The following MYLK variants were observed in gnomAD, a reference collection of about 807,000 sequenced individuals.
The protein encoded by MYLK is myosin light chain kinase, also known as myosin light chain kinase, smooth muscle.
A neutral mutation model predicts 203.4 loss-of-function variants in MYLK; 106 were observed. The ratio of observed to expected loss-of-function variants is 0.52; its 90% confidence interval spans 0.45 to 0.61. The LOEUF (loss-of-function observed/expected upper bound fraction) is 0.61. Among genes scored for constraint, MYLK ranks in the 20% least tolerant of loss-of-function variants. MYLK has a pLI of 0.00. For missense variants in MYLK, 2,072 were observed against 2,442.3 expected (o/e 0.85, Z 3.20); for synonymous variants, 867 against 959.5 (o/e 0.90, Z 1.78).
chr3:123,848,771 G>A (rs1024786999), intron 2 of MYLK, among the ~76,000 whole-genome samples: 1 of 152,114 alleles, frequency 6.6e-6, no homozygotes. Context: ...TGAAAATTAT[G>A]TTTAGATGAC....
chr3:123,862,223 A>G (rs544001313), intron 2 of MYLK, among the ~76,000 whole-genome samples: 21 of 152,354 alleles, frequency 1.4e-4, no homozygotes, highest in African/African-American at 4.6e-4. Flanking sequence ...CTATGCAGTT[A>G]CACAATTTAA....
intron 22 of MYLK, among the ~76,000 whole-genome samples, chr3:123,664,586 T>C (rs2059675020): frequency 6.6e-6 from 1 of 152,110 alleles, no homozygotes; most frequent in African/African-American, 2.4e-5. Flanking sequence ...GGAGAACACA[T>C]CTCAGCAAAG....
In MYLK at chr3:123,610,224, A is replaced by G. The variant is rs2107788198; in HGVS notation, c.*3881T>C. The G allele has an allele frequency of 6.6e-6, 1 of 152,242 alleles. No individual in the cohort carries two copies. Among genetic ancestry groups the G allele is most frequent in the Non-Finnish European group, 1.5e-5 (1 of 67,996 alleles). 9.4% of individuals were successfully genotyped at this position (152,242 alleles called of 1,614,324 possible). On this transcript the variant is annotated 3_prime_UTR_variant, in exon 34 of 34. Transcript: ENST00000360304. ...ACTGAGGAACTGAATTTTTTATTTT[A>G]TTTTTTAAAGTAACTTAAATTTAAA...
At chr3:123,695,157 C>T (rs1360065306) in intron 18 of MYLK, among the ~76,000 whole-genome samples, 5 of 152,280 alleles carry the variant, frequency 3.3e-5, no homozygotes, top group African/African-American at 1.2e-4. Flanking sequence ...ATAGGGCTGC[C>T]TCAGTCAGCC....
intron 8 of MYLK, 97 bp downstream of exon 8, chr3:123,737,281 G>A: frequency 6.7e-7 from 1 of 1,482,236 alleles, no homozygotes; most frequent in Non-Finnish European, 9.4e-7. Context: ...TGGGCCAGGT[G>A]TATACACACA....
chr3:123,743,088 G>A (rs1441708243), intron 5 of MYLK, among the ~76,000 whole-genome samples: 1 of 152,076 alleles, frequency 6.6e-6, no homozygotes, highest in Non-Finnish European at 1.5e-5. Flanking sequence ...AATGACAATT[G>A]TACACTTTAA....
At position 123,637,664 on chromosome 3, in the gene MYLK, C is replaced by G. The variant is rs550202280; in HGVS notation, c.4961+407G>C. Reference sequence around the variant, plus strand: ...TGCCTTGGGGATGGAGTGCTATGCCCTGAAGACAATGAGGATGCCCAGAGA... The same window carrying G: ...TGCCTTGGGGATGGAGTGCTATGCCGTGAAGACAATGAGGATGCCCAGAGA... On this transcript the variant is annotated intron_variant, in intron 29 of 33. Transcript: ENST00000360304. Among the ~76,000 whole-genome samples the G allele has an allele frequency of 1.2e-4, 19 of 152,234 alleles. No individual in the cohort carries two copies. In the East Asian group the frequency reaches 3.3e-3, roughly 26 times the overall value.
At chr3:123,692,387 T>C in intron 19 of MYLK, 1 of 1,185,706 alleles carries the variant, frequency 8.4e-7, no homozygotes, top group Admixed American at 3.6e-5. Context: ...GTTGTGGCTT[T>C]TGTAAAATAC....
intron 16 of MYLK, among the ~76,000 whole-genome samples, chr3:123,706,006 C>T (rs541374932): frequency 6.6e-6 from 1 of 152,088 alleles, no homozygotes; most frequent in Non-Finnish European, 1.5e-5. Context: ...AGTGGCCTTC[C>T]TGGTAATAAC....
intron 18 of MYLK, among the ~76,000 whole-genome samples, chr3:123,694,277 G>A (rs1016491238): frequency 1.3e-5 from 2 of 152,104 alleles, no homozygotes; most frequent in African/African-American, 4.8e-5. Flanking sequence ...CCAAACCTCG[G>A]GAAGGCTTCA....
chr3:123,858,814 C>T (rs1302048803), intron 2 of MYLK, among the ~76,000 whole-genome samples: 3 of 152,196 alleles, frequency 2.0e-5, no homozygotes, highest in Middle Eastern at 3.4e-3. Context: ...TTGGAGCGGA[C>T]GTCCAAAACA....
Position 123,629,760 on chromosome 3 carries a change from T to C in MYLK, c.4962-134A>G, listed in dbSNP as rs1286342239. 5 of 873,858 alleles carry C rather than the reference T, an allele frequency of 5.7e-6. No individual in the cohort carries two copies. In the East Asian group the frequency reaches 1.3e-4, roughly 23 times the overall value. 54.1% of individuals were successfully genotyped at this position (873,858 alleles called of 1,614,324 possible). A position where few individuals can be genotyped will look rare whatever the true frequency, so the allele number is the denominator to read the frequency against. On this transcript the variant is annotated intron_variant, in intron 29 of 33. Transcript: ENST00000360304. The surrounding 1 kb of genome is among the most constrained non-coding windows in gnomAD (Gnocchi z 4.4). ...ACTCATGCTCTGTGGGCCTTGCACC[T>C]GCCTTTCTTCCACTTGTGGAAAGAA...
Position 123,726,218 on chromosome 3 carries a change from C to T in MYLK, c.1517-140G>A, listed in dbSNP as rs969489710. The T allele has an allele frequency of 1.0e-5, 11 of 1,083,604 alleles. No homozygotes were observed. The South Asian group carries it at 1.6e-4, about 16-fold the overall frequency. 67.1% of individuals were successfully genotyped at this position (1,083,604 alleles called of 1,614,324 possible). A position where few individuals can be genotyped will look rare whatever the true frequency, so the allele number is the denominator to read the frequency against. ...GGCAGCCTGCCTTTGGCTTCTCTCT[C>T]TTCATGCTTAAGAAACAGGCAGCAC... On this transcript the variant is annotated intron_variant, in intron 11 of 33. Transcript: ENST00000360304.
chr3:123,637,948 CTG>C, intron 29 of MYLK, 121 bp downstream of exon 29: 1 of 1,456,174 alleles, frequency 6.9e-7, no homozygotes, highest in South Asian at 1.2e-5. Context: ...CCTCCTGACT[CTG>C]GGGGGGGCTC....
chr3:123,671,652 G>A (rs1474379447), intron 20 of MYLK, among the ~76,000 whole-genome samples: 1 of 152,196 alleles, frequency 6.6e-6, no homozygotes, highest in Non-Finnish European at 1.5e-5. Context: ...GGATCCTGGA[G>A]GTGAAAGGAC....
At position 123,738,990 on chromosome 3, in the gene MYLK, G is replaced by T. The variant is rs771348616; in HGVS notation, c.495C>A (p.Thr165=). 1 of 1,613,736 alleles carries T rather than the reference G, an allele frequency of 6.2e-7. No individual in the cohort carries two copies. Among genetic ancestry groups the T allele is most frequent in the Non-Finnish European group, 8.5e-7 (1 of 1,179,886 alleles). ...IWGECPPKFA[T]KLGRVVVKEG... The stretch of plus-strand genomic sequence containing the variant: ...CTTTGACCACAACTCGGCCCAGCTT[G>T]GTAGCAAACTTTGGTGGGCACTCCC... Residue 165 remains threonine (T), a synonymous_variant, in exon 7 of 34, where the codon ACC becomes ACA. Transcript: ENST00000360304.
intron 27 of MYLK, among the ~76,000 whole-genome samples, chr3:123,641,845 C>A (rs2058849209): frequency 6.8e-6 from 1 of 146,892 alleles, no homozygotes. Flanking sequence ...CCCCTCCCCT[C>A]CTCCTTCCTT....
At chr3:123,858,435 G>A (rs1204738034) in intron 2 of MYLK, among the ~76,000 whole-genome samples, 8 of 152,130 alleles carry the variant, frequency 5.3e-5, no homozygotes, top group Non-Finnish European at 1.2e-4. Flanking sequence ...AAACTAAGGA[G>A]TAAGAAAGAA....
chr3:123,683,097 C>G (rs1039932663), intron 19 of MYLK, among the ~76,000 whole-genome samples: 6 of 152,070 alleles, frequency 3.9e-5, no homozygotes, highest in Admixed American at 3.3e-4. Context: ...CCCCAGGACA[C>G]TATGGGGAAA....
Sources: allele counts gnomAD v4.1 joint callset (sites outside exome capture counted in the v4.1 genomes callset), GRCh38; gene constraint gnomAD v4.1.1; non-coding constraint Gnocchi (gnomAD v3.1); transcripts MANE v1.5; gene names NCBI Gene and HGNC (gene_info 2026-07-23, HGNC 2026-07-21).